Variants in WLS observed in about 807,000 individuals in gnomAD.
The protein encoded by WLS is Wnt ligand secretion mediator.
WLS carries 23 observed loss-of-function variants against 62.8 expected under a neutral mutation model. That is an observed-to-expected ratio of 0.37 (90% CI 0.26 to 0.52). The LOEUF is 0.52. Among genes scored for constraint, WLS ranks in the 20% least tolerant of loss-of-function variants. The pLI is 0.92. For synonymous variants in WLS, 246 were observed against 244.1 expected, an observed-to-expected ratio of 1.01 and a Z score of -0.07; for missense variants, 615 against 697.3, an observed-to-expected ratio of 0.88 and a Z score of 1.33.
intron 10 of WLS, among the ~76,000 whole-genome samples, chr1:68,143,705 A>G (rs139373698): frequency 2.6e-5 from 4 of 152,292 alleles, no homozygotes; most frequent in East Asian, 1.9e-4. Context: ...AGTACACTCT[A>G]TGATGTTCCC....
Position 68,148,555 on chromosome 1 carries a change from T to C in WLS, c.1070+8A>G, listed in dbSNP as rs1244664117. The C allele has an allele frequency of 6.2e-7, 1 of 1,613,678 alleles. No individual in the cohort carries two copies. Among genetic ancestry groups the C allele is most frequent in the Admixed American group, 1.7e-5 (1 of 60,004 alleles). On this transcript the variant is annotated splice_region_variant and intron_variant, in intron 7 of 11. Transcript: ENST00000262348. ...GTTTGGCTCAGTGTCCCACAAACAC[T>C]TGCTCACCTCTCACACATGTCAAAT...
chr1:68,214,542 T>C (rs1450802625), intron 1 of WLS, among the ~76,000 whole-genome samples: 4 of 152,132 alleles, frequency 2.6e-5, no homozygotes, highest in Non-Finnish European at 4.4e-5. Context: ...TTTTTGTATT[T>C]TTTAATAGAG....
intron 2 of WLS, among the ~76,000 whole-genome samples, chr1:68,170,680 C>T (rs965819367): frequency 1.3e-5 from 2 of 150,724 alleles, no homozygotes; most frequent in African/African-American, 4.9e-5. Flanking sequence ...TTACTCTTGC[C>T]TTCTTTTACT....
At chr1:68,215,378 C>T (rs1649684506) in intron 1 of WLS, among the ~76,000 whole-genome samples, 2 of 152,168 alleles carry the variant, frequency 1.3e-5, no homozygotes, top group South Asian at 4.1e-4. Flanking sequence ...TACTATCAAT[C>T]AACGAAATGT....
At chr1:68,223,631 A>G (rs1236768686) in intron 1 of WLS, among the ~76,000 whole-genome samples, 2 of 152,254 alleles carry the variant, frequency 1.3e-5, no homozygotes, top group East Asian at 1.9e-4. Flanking sequence ...GCCTGGCTCA[A>G]TGAGACACTC....
chr1:68,103,285 T>C (rs1380143614), intron 11 of WLS, among the ~76,000 whole-genome samples: 1 of 152,220 alleles, frequency 6.6e-6, no homozygotes, highest in Non-Finnish European at 1.5e-5. Flanking sequence ...CAACAATTCA[T>C]GTGCTTGCTT....
intron 11 of WLS, among the ~76,000 whole-genome samples, chr1:68,105,104 C>A (rs1324117439): frequency 6.6e-6 from 1 of 152,192 alleles, no homozygotes; most frequent in African/African-American, 2.4e-5. Context: ...GATGTCTGAT[C>A]TACCCTTTAT....
chr1:68,222,009 A>T (rs1215701152), intron 1 of WLS, among the ~76,000 whole-genome samples: 4 of 152,198 alleles, frequency 2.6e-5, no homozygotes, highest in African/African-American at 9.7e-5. Flanking sequence ...TTTTGTATGT[A>T]AATTCGACCA....
rs146113418 is a variant in WLS, at chr1:68,165,621, G to A, written c.380-6374C>T. On this transcript the variant is annotated intron_variant, in intron 2 of 11. Coordinates refer to ENST00000262348, the MANE Select transcript of WLS (RefSeq NM_024911.7). ...ATATGAACAGAGCTTGAGCTCGGAG[G>A]TTAGGGTGTCCATGTAGAAGCACGC... Among the ~76,000 whole-genome samples, 117 of 152,290 alleles carry A rather than the reference G, an allele frequency of 7.7e-4. 1 individual carries two copies. The highest frequency in any genetic ancestry group is 6.8e-3 in the Middle Eastern group (2 of 294).
chr1:68,162,806 T>A, intron 2 of WLS: 1 of 1,218,366 alleles, frequency 8.2e-7, no homozygotes, highest in Non-Finnish European at 1.2e-6. Context: ...CTCGGGGCCT[T>A]AAACTTTTCT....
In WLS at chr1:68,232,375, A is replaced by G; in HGVS notation, c.-76T>C. ...AGCTTTTTGCTCCCTCCTCTCACACACTCCCTCCTTCCTCGCCTCCTTTCT... is the reference window on the plus strand; with the variant it reads ...AGCTTTTTGCTCCCTCCTCTCACACGCTCCCTCCTTCCTCGCCTCCTTTCT... On this transcript the variant is annotated 5_prime_UTR_variant, in exon 1 of 12. Transcript: ENST00000262348. 6.5e-7 allele frequency: 1 copy of G among 1,529,462 alleles called. No individual in the cohort carries two copies. The highest frequency in any genetic ancestry group is 1.4e-5 in the African/African-American group (1 of 72,034). The allele number at this position is 1,529,462 out of a possible 1,614,324, so 94.7% of individuals were successfully genotyped here.
intron 4 of WLS, among the ~76,000 whole-genome samples, chr1:68,153,960 G>T (rs1646861944): frequency 6.6e-6 from 1 of 152,018 alleles, no homozygotes; most frequent in South Asian, 2.1e-4. Context: ...TTTGGGGCAG[G>T]GTCACTATTT....
intron 11 of WLS, among the ~76,000 whole-genome samples, chr1:68,105,537 A>C (rs6671127): frequency 0.31 from 47,075 of 152,062 alleles, 7,393 homozygotes; most frequent in Admixed American, 0.34. Context: ...CCAAACTATG[A>C]AACAAAGGCA....
At chr1:68,172,740 G>T (rs1298217517) in intron 2 of WLS, among the ~76,000 whole-genome samples, 2 of 152,128 alleles carry the variant, frequency 1.3e-5, no homozygotes, top group Non-Finnish European at 2.9e-5. Flanking sequence ...GAGTTCACTA[G>T]GCAGCGAGAT....
intron 11 of WLS, among the ~76,000 whole-genome samples, chr1:68,108,082 A>G (rs979320340): frequency 6.6e-6 from 1 of 152,128 alleles, no homozygotes; most frequent in Non-Finnish European, 1.5e-5. Flanking sequence ...CTTTATATGT[A>G]TACAATATTC....
intron 1 of WLS, among the ~76,000 whole-genome samples, chr1:68,210,205 G>A (rs1321072949): frequency 5.3e-5 from 8 of 152,222 alleles, no homozygotes; most frequent in African/African-American, 1.9e-4. Flanking sequence ...GTAGCTGGTT[G>A]CCATGGTAGC....
At chr1:68,109,467 G>C (rs1646192224) in intron 11 of WLS, among the ~76,000 whole-genome samples, 1 of 152,170 alleles carries the variant, frequency 6.6e-6, no homozygotes, top group Non-Finnish European at 1.5e-5. Context: ...TTAAATGTTG[G>C]AATGAGAATA....
intron 2 of WLS, among the ~76,000 whole-genome samples, chr1:68,182,435 G>C (rs1647639904): frequency 6.6e-6 from 1 of 152,230 alleles, no homozygotes; most frequent in Admixed American, 6.5e-5. Flanking sequence ...CTCAAAGGGA[G>C]AGATAATTCA....
chr1:68,151,416 C>A (rs1443490778), intron 5 of WLS, among the ~76,000 whole-genome samples: 1 of 152,050 alleles, frequency 6.6e-6, no homozygotes. Flanking sequence ...AAAGTTTAAA[C>A]AATGGAGTGA....
Sources: allele counts gnomAD v4.1 joint callset (sites outside exome capture counted in the v4.1 genomes callset), GRCh38; gene constraint gnomAD v4.1.1; transcripts MANE v1.5; gene names NCBI Gene and HGNC (gene_info 2026-07-23, HGNC 2026-07-21).